The following DPP10 variants were observed in gnomAD, a reference collection of about 807,000 sequenced individuals.
The protein encoded by DPP10 is dipeptidyl peptidase like 10, also known as inactive dipeptidyl peptidase 10.
A neutral mutation model predicts 120.9 loss-of-function variants in DPP10; 33 were observed. The observed-to-expected ratio is 0.27, with a 90% confidence interval of 0.21 to 0.37. The LOEUF (loss-of-function observed/expected upper bound fraction) is 0.37, where lower values mean the gene tolerates loss of function less well. Among genes scored for constraint, DPP10 ranks in the 10% least tolerant of loss-of-function variants. The pLI is 1.00. For synonymous variants in DPP10, 337 were observed against 326.1 expected (o/e 1.03, Z -0.36); for missense variants, 816 against 942.8 (o/e 0.87, Z 1.76).
intron 1 of DPP10, among the ~76,000 whole-genome samples, chr2:115,026,638 C>G (rs1703481422): frequency 6.6e-6 from 1 of 152,084 alleles, no homozygotes; most frequent in Non-Finnish European, 1.5e-5. Flanking sequence ...TGTGTTCAAG[C>G]AATGCTCATG....
intron 1 of DPP10, among the ~76,000 whole-genome samples, chr2:115,201,335 T>G (rs1455496799): frequency 6.6e-6 from 1 of 152,046 alleles, no homozygotes; most frequent in African/African-American, 2.4e-5. Context: ...TGGTGGTGCA[T>G]GCCTGTAATC....
intron 7 of DPP10, among the ~76,000 whole-genome samples, chr2:115,727,347 G>T (rs2092790284): frequency 1.3e-5 from 2 of 152,140 alleles, no homozygotes; most frequent in South Asian, 4.1e-4. Flanking sequence ...GAGCTAGATA[G>T]AATCAGAGAG....
At chr2:114,655,812 G>A (rs972113256) in intron 1 of DPP10, among the ~76,000 whole-genome samples, 1 of 152,028 alleles carries the variant, frequency 6.6e-6, no homozygotes, top group African/African-American at 2.4e-5. Context: ...ACAGACACAA[G>A]CTATAGGTAA....
intron 1 of DPP10, among the ~76,000 whole-genome samples, chr2:114,873,434 C>T (rs529907896): frequency 3.3e-5 from 5 of 152,160 alleles, no homozygotes; most frequent in South Asian, 4.2e-4. Flanking sequence ...GGAGGATGTG[C>T]GTGAGGATAA....
At chr2:115,464,952 T>A (rs551775573) in intron 3 of DPP10, among the ~76,000 whole-genome samples, 4 of 152,312 alleles carry the variant, frequency 2.6e-5, no homozygotes, top group Non-Finnish European at 5.9e-5. Context: ...TAAGGTCTTC[T>A]GTTTAATTAT....
chr2:115,327,994 A>T lies in DPP10; in HGVS notation c.176-15823A>T, dbSNP rs572507319. On this transcript the variant is annotated intron_variant, in intron 2 of 25. Transcript: ENST00000410059. Reference sequence around the variant, plus strand: ...ACAAGGACAATAATGTCTTCGTGTTATTATGAATACAGTTTTGATTTCTGT... The same window carrying T: ...ACAAGGACAATAATGTCTTCGTGTTTTTATGAATACAGTTTTGATTTCTGT... Among the ~76,000 whole-genome samples, 6 of 152,166 alleles carry T rather than the reference A, an allele frequency of 3.9e-5. No individual in the cohort carries two copies. In the East Asian group the frequency reaches 9.7e-4, roughly 25 times the overall value.
intron 1 of DPP10, among the ~76,000 whole-genome samples, chr2:114,715,584 C>T (rs1364334113): frequency 6.6e-6 from 1 of 151,604 alleles, no homozygotes; most frequent in Non-Finnish European, 1.5e-5. Flanking sequence ...TACTGAACCT[C>T]CCTGAAATAA....
At chr2:115,678,585 T>C (rs570990836) in intron 5 of DPP10, among the ~76,000 whole-genome samples, 1 of 152,206 alleles carries the variant, frequency 6.6e-6, no homozygotes, top group East Asian at 1.9e-4. Flanking sequence ...ATGGAGAACC[T>C]CTACTAGGGC....
chr2:115,292,686 C>T (rs141052450), intron 1 of DPP10, among the ~76,000 whole-genome samples: 6 of 152,170 alleles, frequency 3.9e-5, no homozygotes, highest in Admixed American at 3.3e-4. Flanking sequence ...ACAAGTATAG[C>T]CTATTATTAT....
At chr2:115,247,306 G>T (rs1287729833) in intron 1 of DPP10, among the ~76,000 whole-genome samples, 6 of 152,086 alleles carry the variant, frequency 3.9e-5, no homozygotes, top group African/African-American at 1.4e-4. Context: ...CAACCAAGGT[G>T]TAAAAACTAG....
At chr2:115,005,277 C>G (rs1403612882) in intron 1 of DPP10, among the ~76,000 whole-genome samples, 1 of 152,138 alleles carries the variant, frequency 6.6e-6, no homozygotes, top group Non-Finnish European at 1.5e-5. Flanking sequence ...AAAAACCGAA[C>G]AGAAAAACTG....
At chr2:114,615,926 G>A (rs528852723) in intron 1 of DPP10, among the ~76,000 whole-genome samples, 1 of 152,102 alleles carries the variant, frequency 6.6e-6, no homozygotes, top group Admixed American at 6.6e-5. Flanking sequence ...ATAAGGTGTA[G>A]CCATATAATG....
At chr2:114,670,651 G>T (rs917628779) in intron 1 of DPP10, among the ~76,000 whole-genome samples, 13 of 152,036 alleles carry the variant, frequency 8.6e-5, no homozygotes, top group Non-Finnish European at 1.9e-4. Flanking sequence ...TGCACATTGT[G>T]CACATGCACC....
chr2:114,893,462 T>C (rs1692705845), intron 1 of DPP10, among the ~76,000 whole-genome samples: 1 of 151,764 alleles, frequency 6.6e-6, no homozygotes, highest in Non-Finnish European at 1.5e-5. Context: ...TTTTGAATAT[T>C]GGGGGGTGGA....
intron 3 of DPP10, among the ~76,000 whole-genome samples, chr2:115,429,231 T>TA (rs11447043): frequency 0.9 from 136,971 of 151,422 alleles, 62,043 homozygotes; most frequent in Non-Finnish European, 0.92. Context: ...TAAAATATAT[T>TA]AAAAAAAATT....
intron 10 of DPP10, among the ~76,000 whole-genome samples, chr2:115,748,116 G>A (rs1559106400): frequency 6.6e-6 from 1 of 151,664 alleles, no homozygotes; most frequent in Non-Finnish European, 1.5e-5. Flanking sequence ...TCTTCTCTTT[G>A]ATGTTTGTGT....
chr2:114,847,333 T>G (rs1484707359), intron 1 of DPP10, among the ~76,000 whole-genome samples: 3 of 152,150 alleles, frequency 2.0e-5, no homozygotes, highest in Non-Finnish European at 4.4e-5. Context: ...TTCCTAAACT[T>G]CCAGTTCAGC....
chr2:114,532,823 C>G lies in DPP10; in HGVS notation c.60+89985C>G, dbSNP rs1022055380. Among the ~76,000 whole-genome samples, 18 of 152,128 alleles carry G rather than the reference C, an allele frequency of 1.2e-4. 1 individual carries two copies. The highest frequency in any genetic ancestry group is 4.3e-4 in the African/African-American group (18 of 41,424). ...ATGGATGAGTCTCCTCTAGGCATGT[C>G]AGAGGCCCCACTCAGACCACGTGGT... On this transcript the variant is annotated intron_variant, in intron 1 of 25. Transcript: ENST00000410059.
At chr2:115,544,566 A>G (rs545710533) in intron 5 of DPP10, among the ~76,000 whole-genome samples, 83 of 152,156 alleles carry the variant, frequency 5.5e-4, no homozygotes, top group African/African-American at 1.7e-3. Flanking sequence ...CCCAAAATCT[A>G]ACTGCCCATC....
Sources: allele counts gnomAD v4.1 joint callset (sites outside exome capture counted in the v4.1 genomes callset), GRCh38; gene constraint gnomAD v4.1.1; transcripts MANE v1.5; gene names NCBI Gene and HGNC (gene_info 2026-07-23, HGNC 2026-07-21).